The following CDH13 variants were observed in gnomAD, a reference collection of about 807,000 sequenced individuals.
The protein encoded by CDH13 is cadherin 13.
In CDH13, 24 loss-of-function variants were observed where a neutral mutation model predicts 63.8. The observed-to-expected ratio is 0.38, with a 90% CI of 0.27 to 0.53. CDH13 has a LOEUF of 0.53. Among genes scored for constraint, CDH13 ranks in the 20% least tolerant of loss-of-function variants. CDH13 has a pLI of 0.85. For synonymous variants in CDH13, 503 were observed against 355.3 expected (o/e 1.42, Z -4.67); for missense variants, 1,049 against 903.1 (o/e 1.16, Z -2.07).
rs994102895 is a variant in CDH13, at chr16:83,232,331, C to A, written c.636+14834C>A. Reference sequence around the variant, plus strand: ...CTTGAGGTCAGGAGTTCAAGACCAACCTGGCCAACATGGCGAAGCCCTGTC... The same window carrying A: ...CTTGAGGTCAGGAGTTCAAGACCAAACTGGCCAACATGGCGAAGCCCTGTC... On this transcript the variant is annotated intron_variant, in intron 5 of 13. Transcript: ENST00000567109. Among the ~76,000 whole-genome samples the A allele has an allele frequency of 2.4e-4, 35 of 148,706 alleles. No individual in the cohort carries two copies. The Admixed American group carries it at 2.4e-3, about 10-fold the overall frequency.
chr16:83,613,073 T>G (rs978980925), intron 8 of CDH13, among the ~76,000 whole-genome samples: 1 of 152,234 alleles, frequency 6.6e-6, no homozygotes, highest in Non-Finnish European at 1.5e-5. Flanking sequence ...GGTAAAATCT[T>G]GGTTGCCAGT....
chr16:83,093,944 T>G (rs1360235147), intron 3 of CDH13, among the ~76,000 whole-genome samples: 2 of 151,998 alleles, frequency 1.3e-5, no homozygotes, highest in South Asian at 2.1e-4. Context: ...AGCAAGCGAG[T>G]AATAGCCTGG....
At chr16:83,368,446 C>A (rs576850396) in intron 6 of CDH13, among the ~76,000 whole-genome samples, 1 of 152,168 alleles carries the variant, frequency 6.6e-6, no homozygotes, top group Admixed American at 6.5e-5. Context: ...TTATTTGAGC[C>A]ATGATTGAAT....
At chr16:83,561,511 T>C (rs2075708637) in intron 7 of CDH13, among the ~76,000 whole-genome samples, 1 of 151,778 alleles carries the variant, frequency 6.6e-6, no homozygotes, top group African/African-American at 2.4e-5. Context: ...GGGTCTACAT[T>C]TAAGTCAATA....
At chr16:82,732,631 T>C (rs946274038) in intron 1 of CDH13, among the ~76,000 whole-genome samples, 1 of 152,216 alleles carries the variant, frequency 6.6e-6, no homozygotes, top group African/African-American at 2.4e-5. Flanking sequence ...GCTACCAGCC[T>C]ATCCCAAAAG....
At chr16:83,722,767 G>A (rs1909866376) in intron 10 of CDH13, among the ~76,000 whole-genome samples, 1 of 152,192 alleles carries the variant, frequency 6.6e-6, no homozygotes, top group Admixed American at 6.5e-5. Context: ...TTGGAAACCA[G>A]GCTGGGGGGG....
intron 2 of CDH13, among the ~76,000 whole-genome samples, chr16:82,963,915 G>A (rs1229532377): frequency 6.6e-6 from 1 of 152,192 alleles, no homozygotes; most frequent in Non-Finnish European, 1.5e-5. Context: ...CCCCCAGCCT[G>A]CTCTCACAGT....
Position 83,032,009 on chromosome 16 carries a change from G to T in CDH13, c.158-1G>T. 1 of 1,579,952 alleles carries T rather than the reference G, an allele frequency of 6.3e-7. No homozygotes were observed. The highest frequency in any genetic ancestry group is 8.6e-7 in the Non-Finnish European group (1 of 1,162,090). On this transcript the variant is annotated splice_acceptor_variant, in intron 2 of 13. Coordinates refer to ENST00000567109, the MANE Select transcript of CDH13 (RefSeq NM_001257.5). LOFTEE classifies it high-confidence loss of function. Reference sequence around the variant, plus strand: ...CTTCTGTTGTTTCGTTTGTTTCCCAGTGACCTTCAGTGACTGTAAGGGAAA... The same window carrying T: ...CTTCTGTTGTTTCGTTTGTTTCCCATTGACCTTCAGTGACTGTAAGGGAAA...
intron 2 of CDH13, among the ~76,000 whole-genome samples, chr16:82,890,727 C>T (rs2041051819): frequency 6.6e-6 from 1 of 150,768 alleles, no homozygotes; most frequent in Non-Finnish European, 1.5e-5. Context: ...TCTTGGCTCA[C>T]TGCAACCTCC....
chr16:83,424,868 G>A (rs147707984), intron 6 of CDH13, among the ~76,000 whole-genome samples: 1 of 152,254 alleles, frequency 6.6e-6, no homozygotes, highest in African/African-American at 2.4e-5. Context: ...TTGTTCTACA[G>A]CCCTACACTC....
At chr16:83,419,865 A>G (rs2071663559) in intron 6 of CDH13, among the ~76,000 whole-genome samples, 1 of 152,080 alleles carries the variant, frequency 6.6e-6, no homozygotes, top group Non-Finnish European at 1.5e-5. Flanking sequence ...TGTATTACAC[A>G]TTCAGCTCTA....
chr16:83,377,387 T>A (rs982205798), intron 6 of CDH13, among the ~76,000 whole-genome samples: 47 of 152,286 alleles, frequency 3.1e-4, no homozygotes, highest in Middle Eastern at 3.4e-3. Flanking sequence ...TTGCCACATC[T>A]CAAAGGCTAT....
intron 1 of CDH13, chr16:82,844,473 C>A (rs1014482665): frequency 6.8e-6 from 1 of 147,924 alleles, no homozygotes; most frequent in Non-Finnish European, 1.5e-5. Flanking sequence ...TGGTGGCGGG[C>A]GCCTGTAGTC....
intron 10 of CDH13, among the ~76,000 whole-genome samples, chr16:83,723,102 T>A (rs1011259661): frequency 2.6e-5 from 4 of 152,236 alleles, no homozygotes; most frequent in African/African-American, 4.8e-5. Context: ...AGTCTGAAAC[T>A]GGTTACCAGA....
intron 5 of CDH13, among the ~76,000 whole-genome samples, chr16:83,304,320 A>G (rs899500064): frequency 6.6e-6 from 1 of 152,172 alleles, no homozygotes; most frequent in Non-Finnish European, 1.5e-5. Context: ...GTGAGGCAAG[A>G]TTGGAATCTT....
chr16:83,734,868 G>C (rs1911389526), intron 10 of CDH13, among the ~76,000 whole-genome samples: 1 of 151,894 alleles, frequency 6.6e-6, no homozygotes, highest in African/African-American at 2.4e-5. Context: ...AGAGGCAGTG[G>C]TCTGGTAAGT....
intron 4 of CDH13, among the ~76,000 whole-genome samples, chr16:83,181,945 G>C (rs760204194): frequency 3.9e-5 from 6 of 152,148 alleles, no homozygotes; most frequent in Non-Finnish European, 8.8e-5. Flanking sequence ...CCCTGACTTA[G>C]AGCCCATCTC....
intron 2 of CDH13, among the ~76,000 whole-genome samples, chr16:82,962,955 A>C (rs879444816): frequency 5.9e-5 from 9 of 152,220 alleles, no homozygotes; most frequent in African/African-American, 1.9e-4. Flanking sequence ...ATTTAGTAAA[A>C]GGTGTAATTA....
At chr16:83,030,533 C>A (rs892435207) in intron 2 of CDH13, among the ~76,000 whole-genome samples, 1 of 150,810 alleles carries the variant, frequency 6.6e-6, no homozygotes, top group Non-Finnish European at 1.5e-5. Context: ...ATCCCAGCTA[C>A]CCAGGAGGCT....
Sources: gnomAD v4.1 joint callset for allele counts (sites outside exome capture counted in the v4.1 genomes callset) on GRCh38, gnomAD v4.1.1 for gene constraint, MANE v1.5 for transcripts, NCBI Gene and HGNC (gene_info 2026-07-23, HGNC 2026-07-21) for gene names.